Variants in PTBP3 observed in about 807,000 individuals in gnomAD.
PTBP3 encodes polypyrimidine tract-binding protein 3.
A neutral mutation model predicts 58.7 loss-of-function variants in PTBP3; 20 were observed. That is an observed-to-expected ratio of 0.34 (90% CI 0.24 to 0.50). The LOEUF (loss-of-function observed/expected upper bound fraction) is 0.50, where lower values mean the gene tolerates loss of function less well. Among genes scored for constraint, PTBP3 ranks in the 20% least tolerant of loss-of-function variants. PTBP3 has a pLI of 0.98. For synonymous variants in PTBP3, 185 were observed against 219.8 expected, an observed-to-expected ratio of 0.84 and a Z score of 1.40; for missense variants, 509 against 637.2, an observed-to-expected ratio of 0.80 and a Z score of 2.17.
intron 1 of PTBP3, among the ~76,000 whole-genome samples, chr9:112,316,125 TG>T (rs920541643): frequency 6.6e-6 from 1 of 152,174 alleles, no homozygotes; most frequent in African/African-American, 2.4e-5. Flanking sequence ...GCATTACACC[TG>T]GATCATCCAG....
At chr9:112,245,236 G>C (rs961447820) in intron 7 of PTBP3, among the ~76,000 whole-genome samples, 2 of 152,220 alleles carry the variant, frequency 1.3e-5, no homozygotes, top group Non-Finnish European at 2.9e-5. Context: ...CTTGAACCCA[G>C]GAGGCAAAGG....
chr9:112,295,164 A>G (rs1828615266), intron 2 of PTBP3, among the ~76,000 whole-genome samples: 1 of 151,788 alleles, frequency 6.6e-6, no homozygotes, highest in Admixed American at 6.6e-5. Context: ...TCTTGAACCC[A>G]GGAGGCGGTG....
In PTBP3 at chr9:112,271,235, G is replaced by A. The variant is rs1185831376; in HGVS notation, c.205-3040C>T. Among the ~76,000 whole-genome samples the A allele has an allele frequency of 2.0e-5, 3 of 152,128 alleles. No individual in the cohort carries two copies. In the East Asian group the frequency reaches 5.8e-4, roughly 29 times the overall value. ...GAGTATCCCTTATCCAAAATGCTTA[G>A]GAACAGAAGTGTTTTAGATTTCAGA... On this transcript the variant is annotated intron_variant, in intron 3 of 13. Coordinates refer to ENST00000374257, the MANE Select transcript of PTBP3 (RefSeq NM_001163788.4).
At chr9:112,379,427 C>CG in the PTBP3 span, among the ~76,000 whole-genome samples, 1 of 152,254 alleles carries the variant, frequency 6.6e-6, no homozygotes, top group Non-Finnish European at 1.5e-5. Flanking sequence ...TTTCAACACT[C>CG]ATTCCAGAAG....
intron 7 of PTBP3, among the ~76,000 whole-genome samples, chr9:112,245,878 A>G (rs1835856988): frequency 6.6e-6 from 1 of 152,220 alleles, no homozygotes; most frequent in Admixed American, 6.5e-5. Context: ...ATAAGAATCT[A>G]TGAGTCCTTA....
intron 1 of PTBP3, among the ~76,000 whole-genome samples, chr9:112,317,950 A>C (rs1179215709): frequency 1.3e-5 from 2 of 152,078 alleles, no homozygotes; most frequent in African/African-American, 4.8e-5. Flanking sequence ...AACAACAAAA[A>C]ACAAACAAAC....
At chr9:112,275,217 C>G (rs1398015781) in intron 3 of PTBP3, among the ~76,000 whole-genome samples, 1 of 151,542 alleles carries the variant, frequency 6.6e-6, no homozygotes, top group Non-Finnish European at 1.5e-5. Context: ...CTCACTGCAT[C>G]CTCCACCTCC....
intron 1 of PTBP3, among the ~76,000 whole-genome samples, chr9:112,303,163 T>G (rs1009905156): frequency 6.6e-6 from 1 of 152,172 alleles, no homozygotes; most frequent in African/African-American, 2.4e-5. Context: ...TCCAAATAAA[T>G]CATACTTATT....
chr9:112,304,880 A>G (rs1325137372), intron 1 of PTBP3, among the ~76,000 whole-genome samples: 2 of 152,180 alleles, frequency 1.3e-5, no homozygotes, highest in Non-Finnish European at 2.9e-5. Flanking sequence ...ATTCTATAAC[A>G]ACATCCTTAA....
At chr9:112,375,452 T>C in the PTBP3 span, among the ~76,000 whole-genome samples, 48 of 152,210 alleles carry the variant, frequency 3.2e-4, no homozygotes, top group Non-Finnish European at 4.3e-4. Flanking sequence ...AAAGGGGCTG[T>C]AGTGCTGCAG....
Position 112,308,780 on chromosome 9 carries a change from T to A in PTBP3, c.-51-10864A>T, listed in dbSNP as rs182945944. On this transcript the variant is annotated intron_variant, in intron 1 of 13. Coordinates refer to ENST00000374257, the MANE Select transcript of PTBP3 (RefSeq NM_001163788.4). ...ACACTGTGTGTTTCTAAGGAGACTG[T>A]CCTTAGAAACACACAGCAAATTTAC... Among the ~76,000 whole-genome samples, 378 of 151,910 alleles carry A rather than the reference T, an allele frequency of 2.5e-3. 2 individuals carry two copies. Among genetic ancestry groups the A allele is most frequent in the African/African-American group, 8.9e-3 (367 of 41,402 alleles).
intron 2 of PTBP3, among the ~76,000 whole-genome samples, chr9:112,290,322 G>A (rs1303005902): frequency 1.3e-5 from 2 of 152,042 alleles, no homozygotes; most frequent in African/African-American, 4.8e-5. Flanking sequence ...TAATATTTAT[G>A]CAAACAAAAG....
intron 1 of PTBP3, among the ~76,000 whole-genome samples, chr9:112,306,586 G>GTGTATATA (rs772584990): frequency 1.1e-4 from 13 of 114,552 alleles, no homozygotes; most frequent in African/African-American, 4.0e-4. Context: ...ATTTAAATTT[G>GTGTATATA]TATATATATA....
chr9:112,296,342 T>A (rs965694287), intron 2 of PTBP3, among the ~76,000 whole-genome samples: 1 of 152,024 alleles, frequency 6.6e-6, no homozygotes, highest in African/African-American at 2.4e-5. Context: ...TGTTCTAGTA[T>A]CCTGTATGCT....
At position 112,222,745 on chromosome 9, in the gene PTBP3, TC is replaced by T; in HGVS notation, c.*1105del. 1.0e-6 allele frequency: 1 copy of T among 970,402 alleles called. No individual in the cohort carries two copies. The highest frequency in any genetic ancestry group is 1.2e-6 in the Non-Finnish European group (1 of 815,956). The allele number at this position is 970,402 out of a possible 1,614,324, so 60.1% of individuals were successfully genotyped here. The stretch of plus-strand genomic sequence containing the variant: ...GCTTACCAAGCCCACAATATAGCTT[TC>T]AAGATATTTAGATTAAACTCTAACC... On this transcript the variant is annotated 3_prime_UTR_variant, in exon 14 of 14. Coordinates refer to ENST00000374257, the MANE Select transcript of PTBP3 (RefSeq NM_001163788.4).
chr9:112,343,790 CAA>C, the PTBP3 span, among the ~76,000 whole-genome samples: 53,492 of 143,124 alleles, frequency 0.37, 9,780 homozygotes, highest in South Asian at 0.44. Flanking sequence ...GACTCTATCT[CAA>C]AAAAAAAAAA....
At chr9:112,289,938 T>C (rs1197383644) in intron 2 of PTBP3, among the ~76,000 whole-genome samples, 3 of 152,188 alleles carry the variant, frequency 2.0e-5, no homozygotes, top group Non-Finnish European at 4.4e-5. Flanking sequence ...TAATTATACA[T>C]ACAATGGTTT....
rs149553072 is a variant in PTBP3, at chr9:112,322,134, CAAAAAA to C, written c.-52+11330_-52+11335del. On this transcript the variant is annotated intron_variant, in intron 1 of 13. Transcript: ENST00000374257. Reference sequence around the variant, plus strand: ...TAGGAGACAGAGCGAGACTCCATCTCAAAAAAAAAAAAAAAAAAAAAAGAAAGGCCC... The same window carrying C: ...TAGGAGACAGAGCGAGACTCCATCTCAAAAAAAAAAAAAAAAGAAAGGCCC... Among the ~76,000 whole-genome samples, 16 of 68,316 alleles carry C rather than the reference CAAAAAA, an allele frequency of 2.3e-4. No individual in the cohort carries two copies. In the East Asian group the frequency reaches 6.5e-3, roughly 28 times the overall value. 44.8% of individuals were successfully genotyped at this position (68,316 alleles called of 152,430 possible).
the PTBP3 span, among the ~76,000 whole-genome samples, chr9:112,342,041 G>C: frequency 1.3e-5 from 2 of 152,172 alleles, no homozygotes; most frequent in African/African-American, 2.4e-5. Flanking sequence ...CCCAATGTGG[G>C]CAGGCATCAT....
Sources: gnomAD v4.1 joint callset for allele counts (sites outside exome capture counted in the v4.1 genomes callset) on GRCh38, gnomAD v4.1.1 for gene constraint, MANE v1.5 for transcripts, NCBI Gene and HGNC (gene_info 2026-07-23, HGNC 2026-07-21) for gene names.